APLF: variants seen among roughly 807,000 people sequenced by gnomAD.
APLF encodes aprataxin and PNK-like factor.
A neutral mutation model predicts 55.6 loss-of-function variants in APLF; 61 were observed. The ratio of observed to expected loss-of-function variants is 1.10; its 90% CI spans 0.89 to 1.36. The LOEUF (loss-of-function observed/expected upper bound fraction) is 1.36, where lower values mean the gene tolerates loss of function less well. APLF is among the 40% of genes most tolerant of loss of function. The pLI, the probability that APLF is intolerant of heterozygous loss-of-function variation, is 0.00. For missense variants in APLF, 611 were observed against 602.5 expected (o/e 1.01, Z -0.15); for synonymous variants, 207 against 214.8 (o/e 0.96, Z 0.32).
intron 6 of APLF, among the ~76,000 whole-genome samples, chr2:68,537,217 C>T (rs901603244): frequency 9.3e-5 from 14 of 150,984 alleles, no homozygotes; most frequent in Middle Eastern, 3.2e-3. Flanking sequence ...GAACATGACT[C>T]ATTGTTGAAC....
intron 1 of APLF, among the ~76,000 whole-genome samples, chr2:68,483,539 G>A (rs1276169869): frequency 6.6e-6 from 1 of 152,054 alleles, no homozygotes; most frequent in African/African-American, 2.4e-5. Flanking sequence ...TCCCTTTTTG[G>A]GGGGCAAAGG....
chr2:68,547,184 C>A (rs1188910082), intron 8 of APLF, among the ~76,000 whole-genome samples: 1 of 151,410 alleles, frequency 6.6e-6, no homozygotes, highest in Admixed American at 6.6e-5. Flanking sequence ...GCGTAGAAAC[C>A]TCTATGAAGA....
chr2:68,529,168 G>T lies in APLF; in HGVS notation c.804+2926G>T, dbSNP rs1264167115. On this transcript the variant is annotated intron_variant, in intron 6 of 9. Transcript: ENST00000303795. The surrounding 1 kb of genome is among the most constrained non-coding windows in gnomAD (Gnocchi z 4.4). Reference sequence around the variant, plus strand: ...ACAGCACGGGTTTCTTCCTTGAGGGGGGGCTCCAGACAACAGGAGGCAGGA... The same window carrying T: ...ACAGCACGGGTTTCTTCCTTGAGGGTGGGCTCCAGACAACAGGAGGCAGGA... 1.5e-6 allele frequency: 2 copies of T among 1,296,086 alleles called. No homozygotes were observed. Among genetic ancestry groups the T allele is most frequent in the Non-Finnish European group, 2.1e-6 (2 of 947,738 alleles). The allele number at this position is 1,296,086 out of a possible 1,614,324, so 80.3% of individuals were successfully genotyped here.
intron 3 of APLF, among the ~76,000 whole-genome samples, chr2:68,512,128 A>G (rs1669399866): frequency 6.6e-6 from 1 of 151,724 alleles, no homozygotes; most frequent in African/African-American, 2.4e-5. Flanking sequence ...TAATATAGTC[A>G]TTTAAAATAC....
In APLF at chr2:68,567,380, G is replaced by T. The variant is rs769821015; in HGVS notation, c.1326G>T (p.Thr442=). 16 of 1,598,288 alleles carry T rather than the reference G, an allele frequency of 1.0e-5. No homozygotes were observed. The East Asian group carries it at 3.4e-4, about 34-fold the overall frequency. Reference sequence around the variant, plus strand: ...ACAAGATAGAATATAGACATAATACGCTTCCAGGTAAGTAAGTTTACTTCA... The same window carrying T: ...ACAAGATAGAATATAGACATAATACTCTTCCAGGTAAGTAAGTTTACTTCA... ...PQHKIEYRHN[T]LPVRNVLDED... Residue 442 remains threonine (T), a synonymous_variant, in exon 9 of 10, where the codon ACG becomes ACT. Coordinates refer to ENST00000303795, the MANE Select transcript of APLF (RefSeq NM_173545.3).
intron 8 of APLF, among the ~76,000 whole-genome samples, chr2:68,558,304 A>C (rs117613021): frequency 0.025 from 3,851 of 152,282 alleles, 61 homozygotes; most frequent in South Asian, 0.043. Context: ...TTTGGCATAC[A>C]TAGTAAATTG....
intron 8 of APLF, among the ~76,000 whole-genome samples, chr2:68,553,486 T>G (rs1397015544): frequency 1.3e-5 from 2 of 152,128 alleles, no homozygotes; most frequent in Non-Finnish European, 2.9e-5. Context: ...GTATATTATT[T>G]TTATTAGCTA....
At chr2:68,515,175 T>TG (rs1669543664) in intron 5 of APLF, among the ~76,000 whole-genome samples, 1 of 151,732 alleles carries the variant, frequency 6.6e-6, no homozygotes. Context: ...CTTTATGTGT[T>TG]AAGGGGCATG....
At chr2:68,558,878 A>G (rs189972896) in intron 8 of APLF, among the ~76,000 whole-genome samples, 5 of 152,138 alleles carry the variant, frequency 3.3e-5, no homozygotes, top group Admixed American at 3.3e-4. Flanking sequence ...TTCAGCTCCC[A>G]CTTGTAAGTG....
intron 9 of APLF, among the ~76,000 whole-genome samples, chr2:68,575,311 T>C (rs1671591686): frequency 6.6e-6 from 1 of 152,144 alleles, no homozygotes; most frequent in Non-Finnish European, 1.5e-5. Context: ...GTTCTAGGAA[T>C]AGCAAAGAGC....
At chr2:68,551,118 G>A (rs1413093898) in intron 8 of APLF, among the ~76,000 whole-genome samples, 1 of 151,974 alleles carries the variant, frequency 6.6e-6, no homozygotes, top group East Asian at 1.9e-4. Flanking sequence ...TTTTCACTAG[G>A]TATGTAATTC....
intron 6 of APLF, among the ~76,000 whole-genome samples, chr2:68,533,582 C>T (rs1015487079): frequency 6.6e-6 from 1 of 152,076 alleles, no homozygotes; most frequent in African/African-American, 2.4e-5. Context: ...TTGGTGTCAG[C>T]TGGGCTTCAT....
chr2:68,551,118 G>T (rs1413093898), intron 8 of APLF, among the ~76,000 whole-genome samples: 1 of 152,092 alleles, frequency 6.6e-6, no homozygotes, highest in South Asian at 2.1e-4. Context: ...TTTTCACTAG[G>T]TATGTAATTC....
intron 8 of APLF, among the ~76,000 whole-genome samples, chr2:68,545,624 G>A (rs180916287): frequency 2.6e-5 from 4 of 152,140 alleles, no homozygotes; most frequent in East Asian, 1.9e-4. Context: ...TGTCCTAGGT[G>A]TGACATATAA....
At chr2:68,513,412 T>C in intron 4 of APLF, 136 bp from the exon 5 acceptor site, 1 of 1,264,398 alleles carries the variant, frequency 7.9e-7, no homozygotes, top group East Asian at 2.3e-5. Context: ...AAATAATTTC[T>C]TTGTTCAAGA....
At chr2:68,525,542 G>A (rs1670015152) in intron 5 of APLF, among the ~76,000 whole-genome samples, 1 of 151,940 alleles carries the variant, frequency 6.6e-6, no homozygotes, top group Non-Finnish European at 1.5e-5. Context: ...TGAAACCAAA[G>A]TTCAGAAAGG....
In APLF at chr2:68,493,825, G is replaced by A. The variant is rs113067124; in HGVS notation, c.168+3564G>A. On this transcript the variant is annotated intron_variant, in intron 2 of 9. Transcript: ENST00000303795. The stretch of plus-strand genomic sequence containing the variant: ...CTTAAAATACAAAAATTAGCCAGGC[G>A]TGGCCAGGCGCGGTGGCTCACGCCT... Among the ~76,000 whole-genome samples the A allele has an allele frequency of 7.9e-3, 1,200 of 152,112 alleles. 14 individuals are homozygous for A. The highest frequency in any genetic ancestry group is 0.027 in the African/African-American group (1,141 of 41,526).
At chr2:68,550,194 C>T (rs1670817069) in intron 8 of APLF, among the ~76,000 whole-genome samples, 2 of 151,848 alleles carry the variant, frequency 1.3e-5, no homozygotes, top group Non-Finnish European at 1.5e-5. Flanking sequence ...ATTTTTAATC[C>T]AGTCTGATAG....
rs1429685858 is a variant in APLF, at chr2:68,577,911, CTA to C, written c.1427_1428del (p.Tyr476Ter). ...DSFLDDEEEDYEPTDEDSDWE... is the reference protein window; with the variant it reads ...DSFLDDEEEDXEPTDEDSDWE... ...GCTTTCTAGATGATGAGGAAGAAGA[CTA>C]TGAGCCAACAGATGAAGATTCTGAC... On this transcript the variant is annotated frameshift_variant, in exon 10 of 10. Coordinates refer to ENST00000303795, the MANE Select transcript of APLF (RefSeq NM_173545.3). LOFTEE classifies it high-confidence loss of function. 6.2e-7 allele frequency: 1 copy of C among 1,613,282 alleles called. No homozygotes were observed. The highest frequency in any genetic ancestry group is 1.3e-5 in the African/African-American group (1 of 74,758).
Sources: allele counts gnomAD v4.1 joint callset (sites outside exome capture counted in the v4.1 genomes callset), GRCh38; gene constraint gnomAD v4.1.1; non-coding constraint Gnocchi (gnomAD v3.1); transcripts MANE v1.5; gene names NCBI Gene and HGNC (gene_info 2026-07-23, HGNC 2026-07-21).